CERS3: variants seen among roughly 807,000 people sequenced by gnomAD.
The protein encoded by CERS3 is LAG1 homolog, ceramide synthase 3.
CERS3 carries 33 observed loss-of-function variants against 50.3 expected under a neutral mutation model. The ratio of observed to expected loss-of-function variants is 0.66; its 90% confidence interval spans 0.50 to 0.88. The LOEUF (loss-of-function observed/expected upper bound fraction) is 0.88. CERS3 is among the 40% of genes least tolerant of loss of function. The pLI is 0.00. For synonymous variants in CERS3, 176 were observed against 155.2 expected (o/e 1.13, Z -0.99); for missense variants, 470 against 460.3 (o/e 1.02, Z -0.19).
At chr15:100,410,295 C>T (rs2031378353) in intron 11 of CERS3, among the ~76,000 whole-genome samples, 1 of 152,204 alleles carries the variant, frequency 6.6e-6, no homozygotes, top group African/African-American at 2.4e-5. Flanking sequence ...GGAACCCTCA[C>T]ATCACTCAAC....
rs538930754 is a variant in CERS3, at chr15:100,402,589, T to G, written c.*124A>C. 1.0e-5 allele frequency: 9 copies of G among 886,108 alleles called. No individual in the cohort carries two copies. Among genetic ancestry groups the G allele is most frequent in the Non-Finnish European group, 1.5e-5 (9 of 584,516 alleles). 54.9% of individuals were successfully genotyped at this position (886,108 alleles called of 1,614,324 possible). A position where few individuals can be genotyped will look rare whatever the true frequency, so the allele number is the denominator to read the frequency against. On this transcript the variant is annotated 3_prime_UTR_variant, in exon 12 of 12. Transcript: ENST00000679737. ...AACATTTTGGTAAACACATCTTAGG[T>G]GGGAGGGAAGGCGGTGGTGAGAAAG... is the stretch of plus-strand genomic sequence containing the variant.
chr15:100,445,929 C>T (rs1180686087), intron 11 of CERS3, among the ~76,000 whole-genome samples: 1 of 152,194 alleles, frequency 6.6e-6, no homozygotes, highest in Non-Finnish European at 1.5e-5. Context: ...CCTGTTCCTG[C>T]CTTAACGATG....
chr15:100,439,168 A>AT (rs1237072900), intron 11 of CERS3, among the ~76,000 whole-genome samples: 1 of 152,186 alleles, frequency 6.6e-6, no homozygotes. Context: ...TTATAGTGAT[A>AT]TTTTTATTTT....
At chr15:100,490,605 C>CTATT (rs2035620681) in intron 4 of CERS3, among the ~76,000 whole-genome samples, 1 of 152,152 alleles carries the variant, frequency 6.6e-6, no homozygotes, top group Non-Finnish European at 1.5e-5. Flanking sequence ...AATAGTTCAA[C>CTATT]TGTTAATATT....
At chr15:100,425,023 G>GTA (rs72526653) in intron 11 of CERS3, among the ~76,000 whole-genome samples, 1 of 60,232 alleles carries the variant, frequency 1.7e-5, no homozygotes, top group Admixed American at 1.9e-4. Flanking sequence ...CTTCCATATA[G>GTA]TTAAGCCTGT....
chr15:100,530,436 T>C (rs2036909741), upstream of CERS3, among the ~76,000 whole-genome samples: 1 of 152,244 alleles, frequency 6.6e-6, no homozygotes, highest in Non-Finnish European at 1.5e-5. Context: ...TCTGGGCCCT[T>C]GCCATGAGCT....
At chr15:100,453,860 A>G (rs533125804) in intron 11 of CERS3, among the ~76,000 whole-genome samples, 2 of 152,338 alleles carry the variant, frequency 1.3e-5, no homozygotes, top group South Asian at 2.1e-4. Context: ...ACACTAGCTG[A>G]AAAAGAACTC....
At chr15:100,501,208 T>G (rs1347396569) in intron 3 of CERS3, among the ~76,000 whole-genome samples, 2 of 152,228 alleles carry the variant, frequency 1.3e-5, no homozygotes, top group Non-Finnish European at 2.9e-5. Context: ...ACCTTTAAAA[T>G]AAGCTATACT....
chr15:100,501,273 A>T (rs1055085817), intron 3 of CERS3, among the ~76,000 whole-genome samples: 3 of 152,150 alleles, frequency 2.0e-5, no homozygotes, highest in Non-Finnish European at 4.4e-5. Context: ...TTTTATAGGC[A>T]CTTGAGGATG....
In CERS3 at chr15:100,472,963, G is replaced by C. The variant is rs923695523; in HGVS notation, c.699C>G (p.Leu233=). 1 of 1,613,888 alleles carries C rather than the reference G, an allele frequency of 6.2e-7. No homozygotes were observed. Among genetic ancestry groups the C allele is most frequent in the Non-Finnish European group, 8.5e-7 (1 of 1,179,896 alleles). Residue 233 remains leucine, a synonymous_variant, in exon 9 of 12, where the codon CTC becomes CTG. Transcript: ENST00000679737. ...CAGCCACATCGTGTACAATCATCAC[G>C]AGGGTCCCACTGCGAATATAATTAG... ...WCANYIRSGT[L]VMIVHDVADI...
chr15:100,459,177 T>G (rs2034471325), intron 10 of CERS3, among the ~76,000 whole-genome samples: 1 of 152,246 alleles, frequency 6.6e-6, no homozygotes, highest in African/African-American at 2.4e-5. Flanking sequence ...CCATATATAA[T>G]GGCTTCACAG....
chr15:100,503,786 T>C (rs1334273973), intron 2 of CERS3: 3 of 468,566 alleles, frequency 6.4e-6, no homozygotes, highest in African/African-American at 2.0e-5. Flanking sequence ...CTCACAGCAA[T>C]AGATGCAGTC....
intron 8 of CERS3, 120 bp downstream of exon 8, chr15:100,475,966 A>C: frequency 1.8e-6 from 1 of 552,416 alleles, no homozygotes; most frequent in Non-Finnish European, 3.1e-6. Context: ...TAAAGCACAC[A>C]AAAGCAATGA....
chr15:100,503,127 A>C (rs921942415), intron 2 of CERS3, among the ~76,000 whole-genome samples: 1 of 152,226 alleles, frequency 6.6e-6, no homozygotes, highest in Non-Finnish European at 1.5e-5. Flanking sequence ...TTAATGTTTA[A>C]TCAGAAAAAG....
Position 100,494,210 on chromosome 15 carries a change from C to CAT in CERS3, c.174-3281_174-3280dup, listed in dbSNP as rs1170051830. Among the ~76,000 whole-genome samples, 269 of 78,064 alleles carry CAT rather than the reference C, an allele frequency of 3.4e-3. 1 individual carries two copies. Among genetic ancestry groups the CAT allele is most frequent in the African/African-American group, 6.5e-3 (116 of 17,874 alleles). The allele number at this position is 78,064 out of a possible 152,430, so 51.2% of individuals were successfully genotyped here. Reference sequence around the variant, plus strand: ...TTTGCTTAGTCACCTTTTTTCTTTTCATATATATATATATATATATATATA... The same window carrying CAT: ...TTTGCTTAGTCACCTTTTTTCTTTTCATATATATATATATATATATATATATA... On this transcript the variant is annotated intron_variant, in intron 3 of 11. Coordinates refer to ENST00000679737, the MANE Select transcript of CERS3 (RefSeq NM_001378789.1).
At chr15:100,540,237 C>T (rs2037167246) in intron 1 of CERS3, among the ~76,000 whole-genome samples, 1 of 152,160 alleles carries the variant, frequency 6.6e-6, no homozygotes, top group African/African-American at 2.4e-5. Flanking sequence ...CTCTGGGAAA[C>T]TGCTTCTCAG....
chr15:100,484,840 G>A (rs1037870469), intron 4 of CERS3, among the ~76,000 whole-genome samples, 172 bp from the exon 5 acceptor site: 8 of 152,104 alleles, frequency 5.3e-5, no homozygotes, highest in Admixed American at 1.3e-4. Flanking sequence ...TCACATATAT[G>A]CACACATACC....
At chr15:100,491,809 T>A (rs1379538583) in intron 3 of CERS3, among the ~76,000 whole-genome samples, 1 of 152,182 alleles carries the variant, frequency 6.6e-6, no homozygotes, top group Admixed American at 6.5e-5. Context: ...TGTGATTTCT[T>A]CCCTGACTGG....
chr15:100,504,181 G>A (rs918020935), intron 2 of CERS3, among the ~76,000 whole-genome samples: 3 of 151,156 alleles, frequency 2.0e-5, no homozygotes, highest in South Asian at 2.1e-4. Context: ...TAACCCAGTC[G>A]CCTCCACACC....
Sources: gnomAD v4.1 joint callset for allele counts (sites outside exome capture counted in the v4.1 genomes callset) on GRCh38, gnomAD v4.1.1 for gene constraint, MANE v1.5 for transcripts, NCBI Gene and HGNC (gene_info 2026-07-23, HGNC 2026-07-21) for gene names.